The following LAMA2 variants were observed in gnomAD, a reference collection of about 807,000 sequenced individuals.
The protein encoded by LAMA2 is laminin subunit alpha-2.
Under a neutral mutation model 364.8 loss-of-function variants are expected in LAMA2, and 269 were observed. The observed-to-expected ratio is 0.74, with a 90% CI of 0.67 to 0.82. The LOEUF is 0.82. Ranked by LOEUF, LAMA2 falls within the 40% of genes least tolerant of loss-of-function variation. The pLI is 0.00. For missense variants in LAMA2, 3,807 were observed against 3,873.2 expected, an observed-to-expected ratio of 0.98 and a Z score of 0.45; for synonymous variants, 1,379 against 1,370.6, an observed-to-expected ratio of 1.01 and a Z score of -0.14.
chr6:129,340,179 G>A (rs1286846617), intron 29 of LAMA2, among the ~76,000 whole-genome samples: 1 of 152,132 alleles, frequency 6.6e-6, no homozygotes, highest in Non-Finnish European at 1.5e-5. Context: ...GAAACCAGAA[G>A]CCTGTTTAAA....
At chr6:128,917,176 T>TA (rs5879914) in intron 1 of LAMA2, among the ~76,000 whole-genome samples, 34 of 147,032 alleles carry the variant, frequency 2.3e-4, no homozygotes, top group African/African-American at 4.2e-4. Context: ...AAGCCTTTTT[T>TA]AAAAAAAAAA....
rs756599307 is a variant in LAMA2, at chr6:129,440,865, C to G, written c.6135C>G (p.Asn2045Lys). The change falls in exon 43 of 65, where the codon AAC becomes AAG. Residue 2045 changes from asparagine to lysine, a missense_variant. Transcript: ENST00000421865. ...TTAAGGACAAAGCCAGACAAGCCAA[C>G]GACACAGCTAAAGATGTACTGGCAC... ...QAVKDKARQA[N>K]DTAKDVLAQI... The G allele has an allele frequency of 5.0e-6, 8 of 1,613,802 alleles. No individual in the cohort carries two copies. The highest frequency in any genetic ancestry group is 6.8e-6 in the Non-Finnish European group (8 of 1,179,914).
intron 32 of LAMA2, among the ~76,000 whole-genome samples, chr6:129,362,945 A>C (rs1157977705): frequency 6.6e-6 from 1 of 152,230 alleles, no homozygotes; most frequent in Non-Finnish European, 1.5e-5. Flanking sequence ...TGCTCCCTTG[A>C]AGATTGAGCA....
chr6:129,463,528 A>G (rs560918363), intron 49 of LAMA2, among the ~76,000 whole-genome samples: 2 of 152,190 alleles, frequency 1.3e-5, no homozygotes, highest in Non-Finnish European at 2.9e-5. Context: ...TCAGACAGAT[A>G]GGTAGGTAGA....
At chr6:129,199,571 GC>G (rs1256363824) in intron 12 of LAMA2, among the ~76,000 whole-genome samples, 3 of 152,080 alleles carry the variant, frequency 2.0e-5, no homozygotes, top group Non-Finnish European at 4.4e-5. Context: ...ATACTTATCT[GC>G]TTGTAAAATC....
At chr6:128,974,741 A>G (rs1046332504) in intron 1 of LAMA2, among the ~76,000 whole-genome samples, 1 of 152,136 alleles carries the variant, frequency 6.6e-6, no homozygotes, top group Non-Finnish European at 1.5e-5. Context: ...TTATTCCTTC[A>G]TACAGTATAT....
chr6:128,885,215 G>A (rs1776078084), intron 1 of LAMA2, among the ~76,000 whole-genome samples: 1 of 152,108 alleles, frequency 6.6e-6, no homozygotes, highest in Admixed American at 6.5e-5. Context: ...TATATCTGGA[G>A]GTTGGCTCAA....
intron 1 of LAMA2, among the ~76,000 whole-genome samples, chr6:128,942,862 G>A (rs184967334): frequency 1.8e-3 from 273 of 152,266 alleles, no homozygotes; most frequent in African/African-American, 6.1e-3. Flanking sequence ...AGGGGTAACC[G>A]AAAAGTGTGG....
rs1375241547 is a variant in LAMA2, at chr6:129,328,336, C to A, written c.4235C>A (p.Pro1412Gln). The change falls in exon 29 of 65, where the codon CCA becomes CAA. Residue 1412 changes from proline to glutamine, a missense_variant. By Grantham distance (76) the Pro-to-Gln change is moderately conservative (BLOSUM62 -1). Around this residue, in one of 3 missense-constraint regions of LAMA2, gnomAD observed 3,333 missense variants for 3,345.7 expected, o/e 1.00. Coordinates refer to ENST00000421865, the MANE Select transcript of LAMA2 (RefSeq NM_000426.4). ...CAACCAGGTGGCCGCACCCCTGGAC[C>A]AACCCTGGGCACCTGTGTTCCATGT... ...RSQPGGRTPG[P>Q]TLGTCVPCQC... The A allele has an allele frequency of 3.1e-6, 5 of 1,614,172 alleles. No homozygotes were observed. Among genetic ancestry groups the A allele is most frequent in the East Asian group, 2.2e-5 (1 of 44,878 alleles).
At chr6:129,256,949 G>A (rs1222385257) in intron 14 of LAMA2, among the ~76,000 whole-genome samples, 1 of 151,114 alleles carries the variant, frequency 6.6e-6, no homozygotes, top group Non-Finnish European at 1.5e-5. Context: ...AATCTTTAAG[G>A]CAGCACCAAG....
chr6:129,432,065 A>C (rs995359910), intron 41 of LAMA2, among the ~76,000 whole-genome samples: 1 of 152,220 alleles, frequency 6.6e-6, no homozygotes, highest in African/African-American at 2.4e-5. Context: ...CCTTTGCCTG[A>C]ATCAGCCTTT....
chr6:129,376,053 A>G (rs576329765), intron 34 of LAMA2, among the ~76,000 whole-genome samples: 1 of 152,302 alleles, frequency 6.6e-6, no homozygotes, highest in East Asian at 1.9e-4. Context: ...AACATTCTAA[A>G]TTGCAGATCC....
Position 129,329,672 on chromosome 6 carries a change from T to C in LAMA2, c.4311+1260T>C, listed in dbSNP as rs562986519. On this transcript the variant is annotated intron_variant, in intron 29 of 64. Transcript: ENST00000421865. ...CCACCATGCCCAGCTGCAGTCGCCATCACTTTCTTTCACTCCCTTCATTCC... is the reference window on the plus strand; with the variant it reads ...CCACCATGCCCAGCTGCAGTCGCCACCACTTTCTTTCACTCCCTTCATTCC... Among the ~76,000 whole-genome samples the C allele has an allele frequency of 3.3e-5, 5 of 152,248 alleles. No individual in the cohort carries two copies. In the South Asian group the frequency reaches 1.0e-3, roughly 32 times the overall value.
chr6:129,406,625 C>G (rs563976814), intron 40 of LAMA2, among the ~76,000 whole-genome samples: 1 of 152,220 alleles, frequency 6.6e-6, no homozygotes, highest in East Asian at 1.9e-4. Flanking sequence ...CTATAAGAGA[C>G]TCTAAAATAA....
chr6:129,255,618 A>T (rs1207486613), intron 14 of LAMA2, among the ~76,000 whole-genome samples: 1 of 152,082 alleles, frequency 6.6e-6, no homozygotes, highest in Admixed American at 6.5e-5. Flanking sequence ...ATTGCTTGAA[A>T]ATAAATACAG....
In LAMA2 at chr6:129,013,460, A is replaced by G. The variant is rs1784894547; in HGVS notation, c.113-36458A>G. On this transcript the variant is annotated intron_variant, in intron 1 of 64. Transcript: ENST00000421865. Reference sequence around the variant, plus strand: ...TCAAAAAAAAAAAAATTTTTTTTGAATAAATAGAATAATGTGATAGCAAAT... The same window carrying G: ...TCAAAAAAAAAAAAATTTTTTTTGAGTAAATAGAATAATGTGATAGCAAAT... Among the ~76,000 whole-genome samples, 3 of 152,070 alleles carry G rather than the reference A, an allele frequency of 2.0e-5. No individual in the cohort carries two copies. In the South Asian group the frequency reaches 6.2e-4, roughly 31 times the overall value.
intron 1 of LAMA2, among the ~76,000 whole-genome samples, chr6:128,958,444 C>T (rs553583871): frequency 6.6e-6 from 1 of 152,096 alleles, no homozygotes; most frequent in Non-Finnish European, 1.5e-5. Flanking sequence ...ATTACTCATA[C>T]AGTCGAAACC....
chr6:128,973,911 C>A (rs909496681), intron 1 of LAMA2, among the ~76,000 whole-genome samples: 13 of 152,126 alleles, frequency 8.5e-5, no homozygotes, highest in African/African-American at 3.1e-4. Flanking sequence ...GCTGTGGGAC[C>A]TCTATGCCCC....
intron 1 of LAMA2, among the ~76,000 whole-genome samples, chr6:128,966,034 A>G (rs1267452284): frequency 7.9e-6 from 1 of 126,172 alleles, no homozygotes; most frequent in Non-Finnish European, 1.6e-5. Flanking sequence ...ACTTTTTAGG[A>G]TATCACTAAT....
Sources: allele counts gnomAD v4.1 joint callset (sites outside exome capture counted in the v4.1 genomes callset), GRCh38; gene constraint gnomAD v4.1.1; regional missense constraint gnomAD v4.1.1; transcripts MANE v1.5; gene names NCBI Gene and HGNC (gene_info 2026-07-23, HGNC 2026-07-21).